The following SHLD1 variants were observed in gnomAD, a reference collection of about 807,000 sequenced individuals.
SHLD1 encodes shieldin complex subunit 1.
Under a neutral mutation model 5.5 loss-of-function variants are expected in SHLD1, and 3 were observed. The ratio of observed to expected loss-of-function variants is 0.54; its 90% CI spans 0.25 to 1.40. The LOEUF is 1.40. Among genes scored for constraint, SHLD1 ranks in the 40% most tolerant of loss-of-function variants. The pLI is 0.15. For synonymous variants in SHLD1, 92 were observed against 94.3 expected (o/e 0.98, Z 0.14); for missense variants, 210 against 244.4 (o/e 0.86, Z 0.94).
intron 2 of SHLD1, among the ~76,000 whole-genome samples, chr20:5,823,136 C>G (rs1052118152): frequency 4.6e-5 from 7 of 152,026 alleles, no homozygotes; most frequent in Admixed American, 2.6e-4. Context: ...GTTGATCCCC[C>G]CCTTCCCGGA....
chr20:5,789,860 C>T (rs1305197794), intron 2 of SHLD1, among the ~76,000 whole-genome samples: 1 of 152,096 alleles, frequency 6.6e-6, no homozygotes, highest in Non-Finnish European at 1.5e-5. Flanking sequence ...TAACCTGCAA[C>T]CTAGCAACAA....
intron 2 of SHLD1, among the ~76,000 whole-genome samples, chr20:5,790,459 T>C (rs1360572564): frequency 2.7e-5 from 4 of 149,692 alleles, no homozygotes; most frequent in Admixed American, 2.0e-4. Context: ...TTCTTTTTTT[T>C]TTTTTTTTTT....
chr20:5,808,311 C>T (rs937068389), intron 2 of SHLD1, among the ~76,000 whole-genome samples: 3 of 152,062 alleles, frequency 2.0e-5, no homozygotes, highest in Non-Finnish European at 4.4e-5. Flanking sequence ...TGCTTCTCCC[C>T]AGAAGTAATT....
intron 2 of SHLD1, among the ~76,000 whole-genome samples, chr20:5,862,303 A>G (rs964238432): frequency 6.6e-6 from 1 of 152,244 alleles, no homozygotes; most frequent in African/African-American, 2.4e-5. Flanking sequence ...AGGTGACTTA[A>G]GAGTGTATGT....
At chr20:5,818,577 G>C (rs1236949986) in intron 2 of SHLD1, among the ~76,000 whole-genome samples, 1 of 152,204 alleles carries the variant, frequency 6.6e-6, no homozygotes, top group African/African-American at 2.4e-5. Flanking sequence ...ATACTGGGTT[G>C]GTTGGTAGGT....
intron 1 of SHLD1, among the ~76,000 whole-genome samples, chr20:5,767,975 C>CTTTT (rs71197793): frequency 3.0e-5 from 4 of 134,690 alleles, no homozygotes; most frequent in African/African-American, 5.5e-5. Context: ...GTGACGAATT[C>CTTTT]TTTTTTTTTT....
At chr20:5,845,114 A>G (rs2087917562) in intron 2 of SHLD1, among the ~76,000 whole-genome samples, 1 of 152,054 alleles carries the variant, frequency 6.6e-6, no homozygotes, top group South Asian at 2.1e-4. Context: ...ATATTAATAG[A>G]AGCATTCACT....
chr20:5,843,650 C>A (rs2087894064), intron 2 of SHLD1, among the ~76,000 whole-genome samples: 1 of 152,188 alleles, frequency 6.6e-6, no homozygotes, highest in Non-Finnish European at 1.5e-5. Flanking sequence ...TGCTTTTGGT[C>A]TGTACAGGCT....
At chr20:5,824,683 G>T (rs2087646428) in intron 2 of SHLD1, among the ~76,000 whole-genome samples, 2 of 150,786 alleles carry the variant, frequency 1.3e-5, no homozygotes, top group South Asian at 2.1e-4. Flanking sequence ...GGAGATGAAG[G>T]TTGCATTTTT....
At chr20:5,818,511 C>G (rs904918866) in intron 2 of SHLD1, among the ~76,000 whole-genome samples, 1 of 152,140 alleles carries the variant, frequency 6.6e-6, no homozygotes, top group Admixed American at 6.6e-5. Context: ...GATCCTGTAC[C>G]CATTTTATAG....
intron 2 of SHLD1, among the ~76,000 whole-genome samples, chr20:5,778,015 G>A (rs979762639): frequency 3.3e-5 from 5 of 151,394 alleles, no homozygotes; most frequent in African/African-American, 1.2e-4. Context: ...TACCCACTAG[G>A]TTTGTTTTTA....
At chr20:5,769,459 C>T (rs963865075) in intron 1 of SHLD1, among the ~76,000 whole-genome samples, 2 of 152,206 alleles carry the variant, frequency 1.3e-5, no homozygotes, top group African/African-American at 4.8e-5. Context: ...GGACTACGGA[C>T]CCCCCAGGGG....
chr20:5,833,031 G>A (rs1246933447), intron 2 of SHLD1, among the ~76,000 whole-genome samples: 1 of 151,706 alleles, frequency 6.6e-6, no homozygotes, highest in Non-Finnish European at 1.5e-5. Context: ...TTGCATGGCT[G>A]ACGTGTCCTC....
At chr20:5,770,469 C>T (rs914492168) in intron 1 of SHLD1, among the ~76,000 whole-genome samples, 1 of 152,178 alleles carries the variant, frequency 6.6e-6, no homozygotes, top group Non-Finnish European at 1.5e-5. Context: ...GCTAACACTT[C>T]TCAAAGGCCT....
intron 1 of SHLD1, among the ~76,000 whole-genome samples, chr20:5,752,822 T>A (rs1983839964): frequency 6.6e-6 from 1 of 151,950 alleles, no homozygotes. Flanking sequence ...TGAGATGGAG[T>A]CTTGCCCTGT....
intron 1 of SHLD1, among the ~76,000 whole-genome samples, chr20:5,756,380 T>C (rs1241676206): frequency 1.3e-5 from 2 of 152,192 alleles, no homozygotes; most frequent in African/African-American, 4.8e-5. Context: ...TCTTAAAATA[T>C]TAAGTCTTTT....
intron 2 of SHLD1, among the ~76,000 whole-genome samples, chr20:5,856,361 A>G (rs2088084271): frequency 6.6e-6 from 1 of 152,392 alleles, no homozygotes; most frequent in Admixed American, 6.5e-5. Context: ...TCAGACTCTC[A>G]TGCAGCCCAT....
intron 2 of SHLD1, among the ~76,000 whole-genome samples, chr20:5,776,073 G>C (rs1055711537): frequency 4.3e-4 from 65 of 151,902 alleles, no homozygotes; most frequent in African/African-American, 1.5e-3. Flanking sequence ...AATTACAGGT[G>C]AGCGCAACCA....
intron 2 of SHLD1, among the ~76,000 whole-genome samples, chr20:5,853,050 A>AT (rs1340045664): frequency 6.6e-6 from 1 of 152,208 alleles, no homozygotes; most frequent in African/African-American, 2.4e-5. Flanking sequence ...AAGGTTTATT[A>AT]TGCCTATGAA....
Sources: gnomAD v4.1 joint callset for allele counts (sites outside exome capture counted in the v4.1 genomes callset) on GRCh38, gnomAD v4.1.1 for gene constraint, MANE v1.5 for transcripts, NCBI Gene and HGNC (gene_info 2026-07-23, HGNC 2026-07-21) for gene names.